The following HACD3 variants were observed in gnomAD, a reference collection of about 807,000 sequenced individuals.
HACD3 encodes the protein very-long-chain (3R)-3-hydroxyacyl-CoA dehydratase 3.
Under a neutral mutation model 55.2 loss-of-function variants are expected in HACD3, and 30 were observed. The ratio of observed to expected loss-of-function variants is 0.54; its 90% CI spans 0.41 to 0.74. The LOEUF (loss-of-function observed/expected upper bound fraction) is 0.74. Among genes scored for constraint, HACD3 ranks in the 30% least tolerant of loss-of-function variants. The pLI is 0.00. For synonymous variants in HACD3, 141 were observed against 151.7 expected, an observed-to-expected ratio of 0.93 and a Z score of 0.52; for missense variants, 363 against 440.1, an observed-to-expected ratio of 0.82 and a Z score of 1.57.
intron 4 of HACD3, 149 bp from the exon 5 acceptor site, chr15:65,558,531 A>G (rs2072215537): frequency 4.3e-6 from 3 of 702,420 alleles, no homozygotes; most frequent in South Asian, 3.7e-5. Flanking sequence ...GTTTGGCCCT[A>G]TGACCTAGAA....
At chr15:65,543,673 C>T (rs188419455) in intron 1 of HACD3, among the ~76,000 whole-genome samples, 195 of 152,226 alleles carry the variant, frequency 1.3e-3, no homozygotes, top group African/African-American at 4.5e-3. Context: ...TTACCATTTC[C>T]AACCAAAGAA....
chr15:65,564,134 G>A (rs994142521), intron 6 of HACD3, 81 bp from the exon 7 acceptor site: 22 of 1,478,884 alleles, frequency 1.5e-5, no homozygotes, highest in South Asian at 3.6e-5. Context: ...TTATTTTCAC[G>A]AAAGGAGTAA....
At chr15:65,542,814 G>A (rs1421212996) in intron 1 of HACD3, among the ~76,000 whole-genome samples, 1 of 152,034 alleles carries the variant, frequency 6.6e-6, no homozygotes, top group Non-Finnish European at 1.5e-5. Flanking sequence ...GGTGGCTCAT[G>A]CCTGTAATCT....
In HACD3 at chr15:65,530,507, G is replaced by C. The variant is rs768520416; in HGVS notation, c.-125G>C. The C allele has an allele frequency of 6.2e-6, 5 of 805,590 alleles. No homozygotes were observed. Among genetic ancestry groups the C allele is most frequent in the Non-Finnish European group, 7.4e-6 (4 of 540,170 alleles). The allele number at this position is 805,590 out of a possible 1,614,324, so 49.9% of individuals were successfully genotyped here. ...CCGCGAGCGTGGGGTATCTCGAGGT[G>C]CCGGGTTGCAGGCGCTCAGGAGCGC... On this transcript the variant is annotated 5_prime_UTR_variant, in exon 1 of 11. Coordinates refer to ENST00000261875, the MANE Select transcript of HACD3 (RefSeq NM_016395.4).
At chr15:65,531,250 G>C (rs572352382) in intron 1 of HACD3, 1 of 152,620 alleles carries the variant, frequency 6.6e-6, no homozygotes, top group Non-Finnish European at 1.5e-5. Context: ...CCTCGCAACC[G>C]TTCAGTGATG....
At chr15:65,573,406 G>A (rs574752532) in intron 10 of HACD3, among the ~76,000 whole-genome samples, 1 of 152,162 alleles carries the variant, frequency 6.6e-6, no homozygotes, top group South Asian at 2.1e-4. Context: ...ACAGAAGTTT[G>A]AGACCAACCT....
chr15:65,566,893 T>TCC (rs1402703592), intron 7 of HACD3: 1 of 152,224 alleles, frequency 6.6e-6, no homozygotes, highest in Non-Finnish European at 1.5e-5. Flanking sequence ...CTAGGGAAAT[T>TCC]TGACTCTTAG....
rs571967306 is a variant in HACD3 at position 65,557,906 on chromosome 15, A to G, written c.370-774A>G. On this transcript the variant is annotated intron_variant, in intron 4 of 10. Coordinates refer to ENST00000261875, the MANE Select transcript of HACD3 (RefSeq NM_016395.4). The stretch of plus-strand genomic sequence containing the variant: ...TGCCCATCTTTCATTTGGCTTTTGT[A>G]TCTTTTTGAGAAAGCGCCATCATTA... Among the ~76,000 whole-genome samples, 4 of 144,282 alleles carry G rather than the reference A, an allele frequency of 2.8e-5. No individual in the cohort carries two copies. In the South Asian group the frequency reaches 6.6e-4, roughly 24 times the overall value. 94.7% of individuals were successfully genotyped at this position (144,282 alleles called of 152,430 possible). A position where few individuals can be genotyped will look rare whatever the true frequency, so the allele number is the denominator to read the frequency against.
intron 2 of HACD3, among the ~76,000 whole-genome samples, chr15:65,554,323 G>T (rs2072165296): frequency 6.6e-6 from 1 of 152,068 alleles, no homozygotes; most frequent in Non-Finnish European, 1.5e-5. Flanking sequence ...GGGTAAATAC[G>T]CCAAAACTGA....
At chr15:65,572,572 T>C (rs1366168605) in intron 10 of HACD3, among the ~76,000 whole-genome samples, 1 of 152,220 alleles carries the variant, frequency 6.6e-6, no homozygotes, top group Admixed American at 6.5e-5. Context: ...AATTATGTTC[T>C]TTAAGTGCTC....
intron 10 of HACD3, among the ~76,000 whole-genome samples, 155 bp from the exon 11 acceptor site, chr15:65,576,145 ATTG>A (rs778354936): frequency 2.5e-4 from 38 of 152,312 alleles, no homozygotes; most frequent in Admixed American, 6.5e-4. Context: ...TGTCTATTGT[ATTG>A]TTAATTTGTT....
chr15:65,547,197 A>G (rs1051020706), intron 1 of HACD3, among the ~76,000 whole-genome samples: 1 of 151,756 alleles, frequency 6.6e-6, no homozygotes, highest in Non-Finnish European at 1.5e-5. Context: ...GCTCACTGCA[A>G]CCTCCGCCTC....
chr15:65,557,566 C>T (rs1286437889), intron 4 of HACD3, among the ~76,000 whole-genome samples: 5 of 151,678 alleles, frequency 3.3e-5, no homozygotes, highest in African/African-American at 1.2e-4. Flanking sequence ...TATCAGGTTT[C>T]TCTACCATAA....
intron 1 of HACD3, among the ~76,000 whole-genome samples, chr15:65,531,072 G>A (rs1232765885): frequency 6.6e-6 from 1 of 152,204 alleles, no homozygotes; most frequent in African/African-American, 2.4e-5. Flanking sequence ...GGCCCTTCGA[G>A]ATGTGGGATG....
At chr15:65,559,205 G>A (rs979907109) in intron 5 of HACD3, among the ~76,000 whole-genome samples, 9 of 152,070 alleles carry the variant, frequency 5.9e-5, no homozygotes, top group Non-Finnish European at 8.8e-5. Context: ...TTCTGTTTCC[G>A]TCTAACCACT....
chr15:65,561,907 C>T (rs1471512922), intron 5 of HACD3, among the ~76,000 whole-genome samples: 1 of 152,122 alleles, frequency 6.6e-6, no homozygotes, highest in South Asian at 2.1e-4. Flanking sequence ...GATTTGCTAG[C>T]GTGGCTCCAC....
At chr15:65,573,299 T>G (rs1425117759) in intron 10 of HACD3, among the ~76,000 whole-genome samples, 1 of 152,164 alleles carries the variant, frequency 6.6e-6, no homozygotes, top group Admixed American at 6.5e-5. Flanking sequence ...TTTTTTTTGT[T>G]GTTGTTGTTG....
intron 2 of HACD3, 194 bp downstream of exon 2, chr15:65,551,912 T>G: frequency 3.6e-6 from 2 of 550,600 alleles, no homozygotes; most frequent in South Asian, 5.8e-5. Context: ...AAATCCTGTT[T>G]CCCCCATGGA....
In HACD3 at chr15:65,558,830, C is replaced by T. The variant is rs572003995; in HGVS notation, c.421+99C>T. On this transcript the variant is annotated intron_variant, in intron 5 of 10. Transcript: ENST00000261875. ...GGCAGGAGAGCTAATGATTTCATCC[C>T]GGTGAGCTGTGTGGGTGAGTTTATG... The T allele has an allele frequency of 1.1e-5, 16 of 1,400,756 alleles. 1 individual carries two copies. The highest frequency in any genetic ancestry group is 1.8e-4 in the Middle Eastern group (1 of 5,700). 86.8% of individuals were successfully genotyped at this position (1,400,756 alleles called of 1,614,324 possible). A position where few individuals can be genotyped will look rare whatever the true frequency, so the allele number is the denominator to read the frequency against.
Sources: allele counts gnomAD v4.1 joint callset (sites outside exome capture counted in the v4.1 genomes callset), GRCh38; gene constraint gnomAD v4.1.1; transcripts MANE v1.5; gene names NCBI Gene and HGNC (gene_info 2026-07-23, HGNC 2026-07-21).